NBEA: variants seen among roughly 807,000 people sequenced by gnomAD.
NBEA encodes the protein lysosomal-trafficking regulator 2.
In NBEA, 44 loss-of-function variants were observed where a neutral mutation model predicts 343.4. The ratio of observed to expected loss-of-function variants is 0.13; its 90% confidence interval spans 0.10 to 0.16. NBEA has a LOEUF of 0.16. NBEA is among the 10% of genes least tolerant of loss of function. The pLI is 1.00. For missense variants in NBEA, 2,555 were observed against 3,631.3 expected (o/e 0.70, Z 7.62); for synonymous variants, 1,175 against 1,238.7 (o/e 0.95, Z 1.08).
rs375956107 is a variant in NBEA at position 35,155,262 on chromosome 13, T to C, written c.2446-512T>C. Among the ~76,000 whole-genome samples, 180 of 152,218 alleles carry C rather than the reference T, an allele frequency of 1.2e-3. 2 individuals are homozygous for C. The highest frequency in any genetic ancestry group is 3.8e-3 in the African/African-American group (157 of 41,548). The stretch of plus-strand genomic sequence containing the variant: ...TAGATACTGGTTCTGGTTTTGTATG[T>C]ATAAATAATAAATAAAATTTGGTGA... On this transcript the variant is annotated intron_variant, in intron 18 of 58. Coordinates refer to ENST00000379939, the MANE Select transcript of NBEA (RefSeq NM_001385012.1).
chr13:34,963,632 G>A (rs371633819), intron 1 of NBEA, among the ~76,000 whole-genome samples: 1 of 151,898 alleles, frequency 6.6e-6, no homozygotes. Context: ...AAAAATGACA[G>A]TTTTCTATTT....
intron 35 of NBEA, among the ~76,000 whole-genome samples, chr13:35,304,602 C>CA (rs1406779661): frequency 6.6e-6 from 1 of 152,112 alleles, no homozygotes; most frequent in Non-Finnish European, 1.5e-5. Context: ...TTTCATAAGT[C>CA]TTCTGTGTTC....
At chr13:35,050,519 C>T (rs2063029127) in intron 6 of NBEA, 124 bp downstream of exon 6, 12 of 1,025,904 alleles carry the variant, frequency 1.2e-5, no homozygotes, top group Non-Finnish European at 1.5e-5. Context: ...TTCTCTTATC[C>T]TTGTCTGCAT....
chr13:35,437,037 C>T (rs1043482094), intron 39 of NBEA, among the ~76,000 whole-genome samples: 5 of 152,130 alleles, frequency 3.3e-5, no homozygotes, highest in Non-Finnish European at 7.4e-5. Flanking sequence ...AGTAAGTATA[C>T]TGTAGTTCAA....
chr13:35,434,529 A>G (rs997545583), intron 39 of NBEA, among the ~76,000 whole-genome samples: 15 of 152,180 alleles, frequency 9.9e-5, no homozygotes, highest in Non-Finnish European at 8.8e-5. Context: ...ACATGGTACT[A>G]TTGGAGTTAC....
chr13:35,323,888 A>G (rs2038356907), intron 36 of NBEA, among the ~76,000 whole-genome samples: 2 of 152,240 alleles, frequency 1.3e-5, no homozygotes, highest in South Asian at 2.1e-4. Context: ...TTTCTATGCC[A>G]TATTTTTCCA....
intron 1 of NBEA, among the ~76,000 whole-genome samples, chr13:35,003,175 T>C (rs2061202694): frequency 6.6e-6 from 1 of 152,000 alleles, no homozygotes; most frequent in Admixed American, 6.6e-5. Context: ...ACAAATAGTA[T>C]GAGCCTGGGC....
At chr13:35,136,819 A>G (rs2067756933) in intron 17 of NBEA, among the ~76,000 whole-genome samples, 1 of 152,222 alleles carries the variant, frequency 6.6e-6, no homozygotes, top group South Asian at 2.1e-4. Context: ...CTTGAATGGC[A>G]TCCCCAGTCA....
intron 38 of NBEA, among the ~76,000 whole-genome samples, chr13:35,414,830 A>C (rs1422110376): frequency 1.3e-5 from 2 of 152,094 alleles, no homozygotes; most frequent in African/African-American, 4.8e-5. Flanking sequence ...TGGTTGAACT[A>C]GTTTACAGTC....
At chr13:35,523,617 C>T (rs553678778) in intron 41 of NBEA, among the ~76,000 whole-genome samples, 9 of 152,286 alleles carry the variant, frequency 5.9e-5, no homozygotes, top group African/African-American at 2.2e-4. Context: ...AAGCATACGC[C>T]TGCCTCTCCT....
At chr13:35,288,531 C>T (rs2035588246) in intron 34 of NBEA, among the ~76,000 whole-genome samples, 1 of 151,762 alleles carries the variant, frequency 6.6e-6, no homozygotes. Flanking sequence ...TTTGCCATTC[C>T]TTTTGAACAA....
intron 39 of NBEA, among the ~76,000 whole-genome samples, chr13:35,437,710 C>T: frequency 6.6e-6 from 1 of 152,182 alleles, no homozygotes; most frequent in Middle Eastern, 3.4e-3. Context: ...TGGACCATAG[C>T]AATGGAACAG....
chr13:35,113,085 T>C (rs577617533), intron 13 of NBEA, among the ~76,000 whole-genome samples: 1 of 152,292 alleles, frequency 6.6e-6, no homozygotes, highest in Non-Finnish European at 1.5e-5. Flanking sequence ...TGTTCTTCAA[T>C]GTAGGATAGT....
chr13:35,642,667 A>G (rs1311703832), intron 49 of NBEA, among the ~76,000 whole-genome samples: 1 of 152,194 alleles, frequency 6.6e-6, no homozygotes, highest in Non-Finnish European at 1.5e-5. Flanking sequence ...TGGGCGTTAC[A>G]AAAGGGCAGT....
chr13:35,281,423 G>A (rs2152811431), intron 34 of NBEA, among the ~76,000 whole-genome samples: 1 of 152,214 alleles, frequency 6.6e-6, no homozygotes, highest in South Asian at 2.1e-4. Flanking sequence ...TTTTTTCAGG[G>A]TATTTCAACA....
At chr13:35,090,293 T>G (rs555649344) in intron 10 of NBEA, among the ~76,000 whole-genome samples, 1 of 151,934 alleles carries the variant, frequency 6.6e-6, no homozygotes, top group African/African-American at 2.4e-5. Context: ...ACTAGAGAAT[T>G]ATGCATAGGT....
At chr13:34,956,012 C>T (rs2059479282) in intron 1 of NBEA, among the ~76,000 whole-genome samples, 1 of 152,252 alleles carries the variant, frequency 6.6e-6, no homozygotes, top group East Asian at 1.9e-4. Flanking sequence ...TTTCTATCAA[C>T]TCTCCCTTTT....
intron 41 of NBEA, among the ~76,000 whole-genome samples, chr13:35,542,108 C>T (rs1309173601): frequency 6.6e-6 from 1 of 150,982 alleles, no homozygotes; most frequent in Non-Finnish European, 1.5e-5. Flanking sequence ...AAGTTCTCTA[C>T]GGATGGGCTG....
At chr13:35,391,359 A>G (rs1018321397) in intron 38 of NBEA, among the ~76,000 whole-genome samples, 3 of 152,004 alleles carry the variant, frequency 2.0e-5, no homozygotes, top group Non-Finnish European at 2.9e-5. Context: ...GAGTATACCT[A>G]GTTTTCTTTT....
Sources: allele counts gnomAD v4.1 joint callset (sites outside exome capture counted in the v4.1 genomes callset), GRCh38; gene constraint gnomAD v4.1.1; transcripts MANE v1.5; gene names NCBI Gene and HGNC (gene_info 2026-07-23, HGNC 2026-07-21).